Variants in NLGN4Y observed in about 807,000 individuals in gnomAD.
The protein encoded by NLGN4Y is neuroligin-4, Y-linked.
In NLGN4Y, 4 loss-of-function variants were observed where a neutral mutation model predicts 8.4. The observed-to-expected ratio is 0.48, with a 90% CI of 0.23 to 1.09. The LOEUF (loss-of-function observed/expected upper bound fraction) is 1.09. Among genes scored for constraint, NLGN4Y ranks in the 50% least tolerant of loss-of-function variants. NLGN4Y has a pLI of 0.19. For synonymous variants in NLGN4Y, 35 were observed against 75.6 expected (o/e 0.46, Z 2.78); for missense variants, 90 against 192.3 (o/e 0.47, Z 3.15).
At chrY:14,786,923 C>CTCCTCCTCCTCT (rs2042969313) in intron 4 of NLGN4Y, among the ~76,000 whole-genome samples, 1 of 31,843 alleles carries the variant, frequency 3.1e-5, no homozygotes, top group Admixed American at 2.9e-4. Flanking sequence ...CCTCCTCCTG[C>CTCCTCCTCCTCT]TCCTCCTCCT....
intron 2 of NLGN4Y, among the ~76,000 whole-genome samples, chrY:14,628,988 T>TA (rs2080539067): frequency 9.2e-5 from 3 of 32,476 alleles, no homozygotes; most frequent in Admixed American, 2.9e-4. Context: ...TTTGTATAAA[T>TA]AAAAAATTTA....
chrY:14,576,384 C>T (rs912458009), intron 1 of NLGN4Y, among the ~76,000 whole-genome samples: 13 of 33,469 alleles, frequency 3.9e-4, no homozygotes, highest in African/African-American at 7.0e-4. Flanking sequence ...TAGGACCCTC[C>T]GAGCCAGGCG....
chrY:14,662,234 A>G (rs2080677313), intron 2 of NLGN4Y, among the ~76,000 whole-genome samples: 1 of 31,032 alleles, frequency 3.2e-5, no homozygotes, highest in Non-Finnish European at 7.5e-5. Flanking sequence ...AGTAGTGTCT[A>G]CATGTGAAGA....
At chrY:14,836,458 C>A (rs1603504533) in intron 6 of NLGN4Y, among the ~76,000 whole-genome samples, 1 of 30,761 alleles carries the variant, frequency 3.3e-5, no homozygotes, top group South Asian at 7.4e-4. Flanking sequence ...AAGAGATCGG[C>A]AAAAAGGAGT....
chrY:14,793,741 G>A (rs772371153), intron 4 of NLGN4Y: 1 of 32,028 alleles, frequency 3.1e-5, no homozygotes, highest in African/African-American at 1.2e-4. Context: ...CAGTTTGGGA[G>A]GCCGAGACGG....
chrY:14,702,727 A>G (rs1603502895), intron 2 of NLGN4Y, among the ~76,000 whole-genome samples: 2 of 33,128 alleles, frequency 6.0e-5, no homozygotes, highest in Non-Finnish European at 1.5e-4. Context: ...GATCCCTGAG[A>G]AATCGCCACA....
At chrY:14,829,236 A>C (rs2043161835) in intron 5 of NLGN4Y, among the ~76,000 whole-genome samples, 1 of 33,509 alleles carries the variant, frequency 3.0e-5, no homozygotes, top group African/African-American at 1.2e-4. Context: ...TCTGAAATTC[A>C]TTCAACTGGA....
In NLGN4Y at chrY:14,650,381, C is replaced by T. The variant is rs771466044; in HGVS notation, c.472+27790C>T. On this transcript the variant is annotated intron_variant, in intron 2 of 6. Transcript: ENST00000684976. ...TGTTGTAAAAATCTCCCACTGGCTCCCGTCTATTATGCCTGGTTTAGTTTG... is the reference window on the plus strand; with the variant it reads ...TGTTGTAAAAATCTCCCACTGGCTCTCGTCTATTATGCCTGGTTTAGTTTG... Among the ~76,000 whole-genome samples the T allele has an allele frequency of 5.7e-4, 19 of 33,451 alleles. No individual in the cohort carries two copies. The South Asian group carries it at 0.013, about 23-fold the overall frequency. 89.7% of individuals were successfully genotyped at this position (33,451 alleles called of 37,273 possible). A position where few individuals can be genotyped will look rare whatever the true frequency, so the allele number is the denominator to read the frequency against.
intron 2 of NLGN4Y, among the ~76,000 whole-genome samples, chrY:14,650,122 C>T (rs899241919): frequency 3.1e-5 from 1 of 32,234 alleles, no homozygotes; most frequent in Non-Finnish European, 7.5e-5. Flanking sequence ...CTTCATAGGG[C>T]CCCATGTTTC....
intron 1 of NLGN4Y, among the ~76,000 whole-genome samples, chrY:14,533,792 C>T (rs754161199): frequency 3.0e-5 from 1 of 32,912 alleles, no homozygotes; most frequent in East Asian, 7.9e-4. Flanking sequence ...AATTCACCTC[C>T]CTGTGTCCCT....
chrY:14,718,951 A>C, intron 2 of NLGN4Y, among the ~76,000 whole-genome samples: 1 of 32,975 alleles, frequency 3.0e-5, no homozygotes, highest in Non-Finnish European at 7.5e-5. Context: ...ATTTTCTGAT[A>C]TTTTGATTAA....
chrY:14,580,877 GAAAAAAAAAAA>G (rs748606939), intron 1 of NLGN4Y, among the ~76,000 whole-genome samples: 1 of 3,102 alleles, frequency 3.2e-4, no homozygotes, highest in Non-Finnish European at 5.8e-4. Context: ...CATCTGTATG[GAAAAAAAAAAA>G]AAAAAAAAAA....
At chrY:14,533,171 A>G in intron 1 of NLGN4Y, among the ~76,000 whole-genome samples, 1 of 33,721 alleles carries the variant, frequency 3.0e-5, no homozygotes, top group Non-Finnish European at 7.4e-5. Flanking sequence ...TCATTTTAGT[A>G]AGTTATATGG....
chrY:14,800,811 T>C, intron 4 of NLGN4Y, among the ~76,000 whole-genome samples: 1 of 31,768 alleles, frequency 3.1e-5, no homozygotes, highest in East Asian at 7.8e-4. Context: ...TATATGTGTA[T>C]GTGTATGTAT....
intron 1 of NLGN4Y, among the ~76,000 whole-genome samples, chrY:14,569,368 A>G (rs2080262103): frequency 3.0e-5 from 1 of 33,036 alleles, no homozygotes; most frequent in Non-Finnish European, 7.5e-5. Context: ...AACATACAGT[A>G]TTTAATTTCC....
intron 3 of NLGN4Y, among the ~76,000 whole-genome samples, chrY:14,721,810 G>A (rs774692108): frequency 7.9e-4 from 23 of 29,111 alleles, no homozygotes; most frequent in African/African-American, 3.1e-3. Context: ...ACACACACAC[G>A]TATCTGTACC....
At chrY:14,778,034 T>TATAAATAAATAA (rs200967958) in intron 4 of NLGN4Y, among the ~76,000 whole-genome samples, 119 of 20,927 alleles carry the variant, frequency 5.7e-3, no homozygotes, top group East Asian at 0.011. Context: ...CCTGTCTCTG[T>TATAAATAAATAA]ATAAATAAAT....
At chrY:14,836,574 A>G (rs2043198394) in intron 6 of NLGN4Y, among the ~76,000 whole-genome samples, 2 of 29,630 alleles carry the variant, frequency 6.7e-5, no homozygotes. Flanking sequence ...AGCTCACTGC[A>G]ACCTCCGCCT....
chrY:14,726,281 G>A (rs906468848), intron 4 of NLGN4Y, among the ~76,000 whole-genome samples: 2 of 33,487 alleles, frequency 6.0e-5, no homozygotes, highest in Admixed American at 2.7e-4. Context: ...TGAGATGTTG[G>A]ATATTGGTAG....
Sources: allele counts gnomAD v4.1 joint callset (sites outside exome capture counted in the v4.1 genomes callset), GRCh38; gene constraint gnomAD v4.1.1; transcripts MANE v1.5; gene names NCBI Gene and HGNC (gene_info 2026-07-23, HGNC 2026-07-21).